Variants in ASIC2 observed in about 807,000 individuals in gnomAD.
ASIC2 encodes the protein acid sensing ion channel subunit 2, also known as acid-sensing ion channel 2.
Under a neutral mutation model 57.3 loss-of-function variants are expected in ASIC2, and 25 were observed. The ratio of observed to expected loss-of-function variants is 0.44; its 90% CI spans 0.32 to 0.61. The LOEUF (loss-of-function observed/expected upper bound fraction) is 0.61, where lower values mean the gene tolerates loss of function less well. Among genes scored for constraint, ASIC2 ranks in the 20% least tolerant of loss-of-function variants. The pLI is 0.06. For synonymous variants in ASIC2, 319 were observed against 307.5 expected (o/e 1.04, Z -0.39); for missense variants, 641 against 738.1 (o/e 0.87, Z 1.52).
intron 1 of ASIC2, among the ~76,000 whole-genome samples, chr17:33,472,816 G>A (rs138167753): frequency 1.6e-3 from 249 of 152,264 alleles, no homozygotes; most frequent in Non-Finnish European, 3.0e-3. Flanking sequence ...GATGAGTTTG[G>A]TGGGGTGGTG....
At chr17:34,102,359 AAAATAT>A (rs1165715858) in intron 1 of ASIC2, among the ~76,000 whole-genome samples, 19 of 152,012 alleles carry the variant, frequency 1.2e-4, no homozygotes, top group Admixed American at 7.2e-4. Flanking sequence ...AAAATAAAAT[AAAATAT>A]AAAGATAAAA....
intron 1 of ASIC2, among the ~76,000 whole-genome samples, chr17:33,429,141 C>T (rs1489398854): frequency 2.0e-5 from 3 of 152,180 alleles, no homozygotes; most frequent in Non-Finnish European, 4.4e-5. Context: ...CTAGTACCAA[C>T]TTGCATCTGT....
At chr17:34,121,465 C>A (rs1364098542) in intron 1 of ASIC2, among the ~76,000 whole-genome samples, 1 of 152,154 alleles carries the variant, frequency 6.6e-6, no homozygotes, top group Non-Finnish European at 1.5e-5. Flanking sequence ...ACCATCACAC[C>A]CTTAGTTCAG....
chr17:33,761,355 T>A (rs1219738474), intron 1 of ASIC2, among the ~76,000 whole-genome samples: 2 of 152,128 alleles, frequency 1.3e-5, no homozygotes, highest in East Asian at 3.8e-4. Context: ...TTGGAATGGG[T>A]GCTGGCTGAA....
intron 1 of ASIC2, among the ~76,000 whole-genome samples, chr17:33,341,369 GC>G (rs1489880567): frequency 2.6e-5 from 4 of 152,158 alleles, no homozygotes; most frequent in African/African-American, 9.7e-5. Flanking sequence ...TCCAATCCAA[GC>G]CACTTTGGAG....
At chr17:33,603,327 G>C (rs1187074956) in intron 1 of ASIC2, among the ~76,000 whole-genome samples, 1 of 152,222 alleles carries the variant, frequency 6.6e-6, no homozygotes, top group African/African-American at 2.4e-5. Context: ...TGGGACTCCA[G>C]GACAGTGGCA....
At chr17:33,943,249 G>A (rs940003330) in intron 1 of ASIC2, among the ~76,000 whole-genome samples, 7 of 152,212 alleles carry the variant, frequency 4.6e-5, no homozygotes, top group Non-Finnish European at 8.8e-5. Flanking sequence ...GAGGAGAAGC[G>A]CAGGGAAGAA....
chr17:33,755,737 G>A (rs949513951), intron 1 of ASIC2, among the ~76,000 whole-genome samples: 6 of 152,186 alleles, frequency 3.9e-5, no homozygotes, highest in Admixed American at 2.6e-4. Flanking sequence ...TAGATCTAAC[G>A]TGACGTAAGA....
chr17:34,063,552 C>G (rs895095341), intron 1 of ASIC2, among the ~76,000 whole-genome samples: 12 of 152,156 alleles, frequency 7.9e-5, no homozygotes, highest in East Asian at 3.9e-4. Context: ...TAAAGGGCAT[C>G]CAAATCAGTA....
chr17:33,987,004 T>C (rs1182981206), intron 1 of ASIC2, among the ~76,000 whole-genome samples: 1 of 152,190 alleles, frequency 6.6e-6, no homozygotes, highest in Non-Finnish European at 1.5e-5. Context: ...AGCTACTGCT[T>C]ATTGAGTTTT....
At chr17:33,336,735 ATC>A (rs908210714) in intron 1 of ASIC2, among the ~76,000 whole-genome samples, 19 of 152,042 alleles carry the variant, frequency 1.2e-4, no homozygotes, top group South Asian at 4.2e-4. Flanking sequence ...TTCTCTCTCT[ATC>A]TCTGTCTTTC....
chr17:33,425,657 T>C (rs923723585), intron 1 of ASIC2, among the ~76,000 whole-genome samples: 7 of 151,806 alleles, frequency 4.6e-5, no homozygotes, highest in Non-Finnish European at 7.4e-5. Flanking sequence ...TCAGGGAAGG[T>C]TGAGAAAACA....
chr17:33,693,618 G>T (rs779060406), intron 1 of ASIC2, among the ~76,000 whole-genome samples: 4 of 152,216 alleles, frequency 2.6e-5, no homozygotes, highest in Non-Finnish European at 1.5e-5. Context: ...GGTCTGAGGA[G>T]CTCAAAGGAA....
At chr17:33,786,781 C>T (rs186532462) in intron 1 of ASIC2, among the ~76,000 whole-genome samples, 1 of 152,246 alleles carries the variant, frequency 6.6e-6, no homozygotes, top group East Asian at 1.9e-4. Context: ...GATGGCTTAT[C>T]TCTCTTGGGT....
intron 5 of ASIC2, among the ~76,000 whole-genome samples, chr17:33,024,984 C>A (rs924790786): frequency 6.6e-6 from 1 of 152,058 alleles, no homozygotes; most frequent in African/African-American, 2.4e-5. Context: ...TTCTTTAACA[C>A]CTCCCTCCCT....
At chr17:34,145,877 G>A (rs1273700941) in intron 1 of ASIC2, among the ~76,000 whole-genome samples, 1 of 152,208 alleles carries the variant, frequency 6.6e-6, no homozygotes, top group Admixed American at 6.5e-5. Context: ...CAAATGCATA[G>A]CCTCCTCTTC....
chr17:34,084,079 A>G (rs1910001232), intron 1 of ASIC2, among the ~76,000 whole-genome samples: 2 of 151,800 alleles, frequency 1.3e-5, no homozygotes, highest in Admixed American at 1.3e-4. Context: ...TTGGTGTTTT[A>G]GACATGAAGT....
intron 1 of ASIC2, among the ~76,000 whole-genome samples, chr17:33,862,218 T>C (rs2141924579): frequency 6.6e-6 from 1 of 152,330 alleles, no homozygotes; most frequent in East Asian, 1.9e-4. Context: ...CCAAACATTT[T>C]GCAAAACCTT....
intron 1 of ASIC2, among the ~76,000 whole-genome samples, chr17:33,923,913 C>A (rs1915764791): frequency 1.3e-5 from 2 of 152,130 alleles, no homozygotes; most frequent in Non-Finnish European, 2.9e-5. Context: ...GCCCACCCAG[C>A]AACTACATGG....
Sources: gnomAD v4.1 joint callset for allele counts (sites outside exome capture counted in the v4.1 genomes callset) on GRCh38, gnomAD v4.1.1 for gene constraint, MANE v1.5 for transcripts, NCBI Gene and HGNC (gene_info 2026-07-23, HGNC 2026-07-21) for gene names.